Variants in SYT14 observed in about 807,000 individuals in gnomAD.
SYT14 encodes the protein synaptotagmin 14, also known as synaptotagmin-14.
A neutral mutation model predicts 74.2 loss-of-function variants in SYT14; 32 were observed. That is an observed-to-expected ratio of 0.43 (90% CI 0.33 to 0.58). The LOEUF is 0.58. Ranked by LOEUF, SYT14 falls within the 20% of genes least tolerant of loss-of-function variation. The pLI is 0.05. For synonymous variants in SYT14, 298 were observed against 337.7 expected, an observed-to-expected ratio of 0.88 and a Z score of 1.29; for missense variants, 791 against 981.8, an observed-to-expected ratio of 0.81 and a Z score of 2.60.
At chr1:209,984,061 G>A (rs985006835) in intron 2 of SYT14, among the ~76,000 whole-genome samples, 12 of 152,194 alleles carry the variant, frequency 7.9e-5, no homozygotes, top group Non-Finnish European at 1.3e-4. Context: ...GTGCCATCTG[G>A]AAATAGCCAC....
intron 2 of SYT14, among the ~76,000 whole-genome samples, chr1:210,004,967 T>C (rs1213588868): frequency 6.6e-6 from 1 of 152,048 alleles, no homozygotes; most frequent in Non-Finnish European, 1.5e-5. Flanking sequence ...CCAGTTGCTA[T>C]ATTCAGGTGG....
intron 1 of SYT14, among the ~76,000 whole-genome samples, chr1:209,947,660 C>T (rs1299346594): frequency 6.6e-6 from 1 of 152,126 alleles, no homozygotes; most frequent in African/African-American, 2.4e-5. Flanking sequence ...GTTGGAATGA[C>T]AAAGGGTTTA....
intron 7 of SYT14, among the ~76,000 whole-genome samples, chr1:210,122,697 G>T (rs1360661429): frequency 6.6e-6 from 1 of 151,362 alleles, no homozygotes; most frequent in Admixed American, 6.6e-5. Flanking sequence ...CATTCAGTTT[G>T]CCTCCTGTAG....
intron 2 of SYT14, among the ~76,000 whole-genome samples, chr1:209,957,629 G>A (rs1449303166): frequency 6.6e-6 from 1 of 151,990 alleles, no homozygotes. Context: ...GTTTCACCAT[G>A]TTGGCTGGGC....
intron 2 of SYT14, among the ~76,000 whole-genome samples, chr1:210,000,466 G>GCGCACACACACACACACACACA (rs1553264180): frequency 4.2e-5 from 6 of 143,102 alleles, no homozygotes; most frequent in African/African-American, 1.6e-4. Context: ...GTCCTCATAC[G>GCGCACACACACACACACACACA]CACACACACA....
At chr1:210,096,181 CT>C (rs1007937736) in intron 6 of SYT14, among the ~76,000 whole-genome samples, 3 of 152,128 alleles carry the variant, frequency 2.0e-5, no homozygotes, top group Non-Finnish European at 2.9e-5. Flanking sequence ...AATAGTGAAA[CT>C]TTAGTTCCAA....
chr1:210,148,908 CATTT>C, intron 7 of SYT14, among the ~76,000 whole-genome samples: 1 of 152,218 alleles, frequency 6.6e-6, no homozygotes, highest in Non-Finnish European at 1.5e-5. Context: ...AAACCAATCT[CATTT>C]ATAAACATAT....
chr1:209,964,260 C>G (rs147140762), intron 2 of SYT14, among the ~76,000 whole-genome samples: 1 of 152,304 alleles, frequency 6.6e-6, no homozygotes, highest in East Asian at 1.9e-4. Context: ...GCTTCCCCTT[C>G]TGCAATGATT....
At chr1:210,160,696 A>G (rs951206579) in intron 9 of SYT14, 33 bp from the exon 9 acceptor site, 1 of 1,590,568 alleles carries the variant, frequency 6.3e-7, no homozygotes, top group Non-Finnish European at 8.6e-7. Context: ...GTTTCAAATG[A>G]TATTTGTGAT....
At chr1:209,975,655 C>G (rs988073437) in intron 2 of SYT14, among the ~76,000 whole-genome samples, 22 of 152,240 alleles carry the variant, frequency 1.4e-4, no homozygotes, top group Admixed American at 1.2e-3. Flanking sequence ...GGATATTGGT[C>G]TAAAATTCTC....
chr1:210,163,156 T>A (rs2083407456), exon 10 of SYT14: 1 of 453,604 alleles, frequency 2.2e-6, no homozygotes, highest in Non-Finnish European at 4.4e-6. Context: ...TTATCAGTCT[T>A]ATCTGTAACT....
At chr1:209,972,824 G>T (rs1572090962) in intron 2 of SYT14, among the ~76,000 whole-genome samples, 1 of 151,868 alleles carries the variant, frequency 6.6e-6, no homozygotes, top group Non-Finnish European at 1.5e-5. Flanking sequence ...TATATTCTGT[G>T]GTTGATGGGT....
chr1:210,057,876 A>C (rs1331811370), intron 5 of SYT14, among the ~76,000 whole-genome samples: 1 of 152,156 alleles, frequency 6.6e-6, no homozygotes, highest in African/African-American at 2.4e-5. Flanking sequence ...ATTTCTTGTG[A>C]CTATTTGGGG....
chr1:210,005,762 TATATTA>T (rs948165330), intron 2 of SYT14, among the ~76,000 whole-genome samples: 1 of 151,980 alleles, frequency 6.6e-6, no homozygotes, highest in African/African-American at 2.4e-5. Context: ...GATAGAGTTT[TATATTA>T]AGATTTGGTT....
intron 1 of SYT14, among the ~76,000 whole-genome samples, chr1:209,949,811 A>G (rs765279332): frequency 1.1e-4 from 17 of 152,188 alleles, no homozygotes; most frequent in Non-Finnish European, 2.1e-4. Context: ...AATACCAAGA[A>G]AGGTCATGCA....
intron 5 of SYT14, among the ~76,000 whole-genome samples, chr1:210,077,123 A>G (rs1442408898): frequency 3.3e-5 from 5 of 151,934 alleles, no homozygotes; most frequent in East Asian, 2.0e-4. Context: ...TGCAGTTCCA[A>G]TAAGCATGAT....
At chr1:210,067,853 T>C (rs186139182) in intron 5 of SYT14, among the ~76,000 whole-genome samples, 2 of 152,040 alleles carry the variant, frequency 1.3e-5, no homozygotes, top group Admixed American at 1.3e-4. Context: ...GGAAATGATA[T>C]GGTTGTCTTA....
chr1:209,987,713 T>A (rs2102824699), intron 2 of SYT14, among the ~76,000 whole-genome samples: 1 of 152,376 alleles, frequency 6.6e-6, no homozygotes, highest in Non-Finnish European at 1.5e-5. Flanking sequence ...ATTTCACCTT[T>A]TGCTTTTCAA....
intron 2 of SYT14, among the ~76,000 whole-genome samples, chr1:209,978,530 A>T (rs1380141447): frequency 4.6e-5 from 7 of 152,170 alleles, no homozygotes; most frequent in Non-Finnish European, 1.0e-4. Flanking sequence ...GATATTGGTG[A>T]TCAGCAAATG....
Sources: allele counts gnomAD v4.1 joint callset (sites outside exome capture counted in the v4.1 genomes callset), GRCh38; gene constraint gnomAD v4.1.1; transcripts MANE v1.5; gene names NCBI Gene and HGNC (gene_info 2026-07-23, HGNC 2026-07-21).